The following ZDHHC4 variants were observed in gnomAD, a reference collection of about 807,000 sequenced individuals.
ZDHHC4 encodes the protein palmitoyltransferase ZDHHC4.
ZDHHC4 carries 42 observed loss-of-function variants against 36.7 expected under a neutral mutation model. The ratio of observed to expected loss-of-function variants is 1.14; its 90% CI spans 0.89 to 1.48. The LOEUF (loss-of-function observed/expected upper bound fraction) is 1.48, where lower values mean the gene tolerates loss of function less well. Ranked by LOEUF, ZDHHC4 falls within the 40% of genes most tolerant of loss-of-function variation. ZDHHC4 has a pLI of 0.00. For synonymous variants in ZDHHC4, 189 were observed against 166.6 expected (o/e 1.13, Z -1.03); for missense variants, 457 against 421.5 (o/e 1.08, Z -0.74).
chr7:6,580,116 CAA>C (rs924502684), intron 2 of ZDHHC4, among the ~76,000 whole-genome samples: 102 of 151,966 alleles, frequency 6.7e-4, no homozygotes, highest in African/African-American at 2.2e-3. Context: ...ACCTGGGTAA[CAA>C]GAGTGAAACT....
At chr7:6,588,292 T>G (rs988212054) in intron 7 of ZDHHC4, among the ~76,000 whole-genome samples, 2 of 152,244 alleles carry the variant, frequency 1.3e-5, no homozygotes, top group Non-Finnish European at 2.9e-5. Flanking sequence ...ATTGATCTCT[T>G]TTGTCCATCT....
chr7:6,579,108 G>A (rs577330931), intron 2 of ZDHHC4, among the ~76,000 whole-genome samples: 1 of 151,646 alleles, frequency 6.6e-6, no homozygotes, highest in East Asian at 1.9e-4. Flanking sequence ...ACAGGCACGA[G>A]CCACTACGGC....
intron 2 of ZDHHC4, among the ~76,000 whole-genome samples, chr7:6,579,164 C>T (rs1221080492): frequency 1.3e-5 from 2 of 151,370 alleles, no homozygotes; most frequent in African/African-American, 2.4e-5. Context: ...TTTCTTAAAC[C>T]GCTACACTAT....
At chr7:6,586,439 G>C (rs1781251534) in intron 7 of ZDHHC4, among the ~76,000 whole-genome samples, 1 of 152,098 alleles carries the variant, frequency 6.6e-6, no homozygotes, top group Non-Finnish European at 1.5e-5. Flanking sequence ...GTGGCACAAG[G>C]TTTTCAGGGT....
chr7:6,580,551 G>C lies in ZDHHC4; in HGVS notation c.-7-4G>C. The stretch of plus-strand genomic sequence containing the variant: ...ATAGTCACACTCTTTCTGTTCCTTT[G>C]TAGCTGCAGGATGGACTTTCTGGTC... On this transcript the variant is annotated splice_region_variant and splice_polypyrimidine_tract_variant and intron_variant, in intron 2 of 7. Transcript: ENST00000335965. The C allele has an allele frequency of 6.2e-7, 1 of 1,612,098 alleles. No individual in the cohort carries two copies. Among genetic ancestry groups the C allele is most frequent in the Non-Finnish European group, 8.5e-7 (1 of 1,178,128 alleles).
intron 3 of ZDHHC4, 38 bp downstream of exon 3, chr7:6,580,716 CTG>C: frequency 6.3e-7 from 1 of 1,584,728 alleles, no homozygotes; most frequent in Non-Finnish European, 8.7e-7. Context: ...AATTTGAATA[CTG>C]TGTTAGTCTA....
intron 2 of ZDHHC4, among the ~76,000 whole-genome samples, chr7:6,579,800 A>T (rs1780709093): frequency 6.6e-6 from 1 of 152,172 alleles, no homozygotes; most frequent in Admixed American, 6.5e-5. Context: ...CAAGTTGGAG[A>T]TGCTTCAAAG....
chr7:6,581,272 G>A (rs1780833755), intron 3 of ZDHHC4: 1 of 330,618 alleles, frequency 3.0e-6, no homozygotes, highest in African/African-American at 2.3e-5. Flanking sequence ...AGTGATCTGG[G>A]TGTGGATGCT....
chr7:6,585,235 T>G lies in ZDHHC4; in HGVS notation c.716T>G (p.Val239Gly). ...ATCGATGACCTTGGACACCTCCATGTTATGGACACGGTCTTTCTTATTCAG... is the reference window on the plus strand; with the variant it reads ...ATCGATGACCTTGGACACCTCCATGGTATGGACACGGTCTTTCTTATTCAG... ...TYIDDLGHLH[V>G]MDTVFLIQYL... The change falls in exon 7 of 8, where the codon GTT becomes GGT. Residue 239 changes from valine to glycine, a missense_variant. Val to Gly is a moderately radical substitution (Grantham distance 109). Coordinates refer to ENST00000335965, the MANE Select transcript of ZDHHC4 (RefSeq NM_001134389.2). 6.2e-7 allele frequency: 1 copy of G among 1,614,186 alleles called. No individual in the cohort carries two copies. Among genetic ancestry groups the G allele is most frequent in the Non-Finnish European group, 8.5e-7 (1 of 1,180,006 alleles).
intron 2 of ZDHHC4, among the ~76,000 whole-genome samples, chr7:6,579,997 A>G (rs1780723281): frequency 6.6e-6 from 1 of 151,918 alleles, no homozygotes; most frequent in African/African-American, 2.4e-5. Flanking sequence ...TTAGCCAGGC[A>G]TGGGGTGCGT....
intron 1 of ZDHHC4, chr7:6,577,805 C>A (rs1277802682): frequency 6.6e-6 from 1 of 152,080 alleles, no homozygotes; most frequent in Admixed American, 6.5e-5. Context: ...CTTATTTCTT[C>A]CCAACTAGCT....
In ZDHHC4 at chr7:6,588,697, G is replaced by A. The variant is rs748512303; in HGVS notation, c.822G>A (p.Leu274=). The change falls in exon 8 of 8, where the codon CTG becomes CTA. Residue 274 remains leucine (L), a synonymous_variant. Coordinates refer to ENST00000335965, the MANE Select transcript of ZDHHC4 (RefSeq NM_001134389.2). Reference sequence around the variant, plus strand: ...TGAGCTTCCTCCTGGGTGGCTACCTGTTGTTTGTCCTGTATCTGGCGGCCA... The same window carrying A: ...TGAGCTTCCTCCTGGGTGGCTACCTATTGTTTGTCCTGTATCTGGCGGCCA... ...VVLSFLLGGY[L]LFVLYLAATN... 1.2e-6 allele frequency: 2 copies of A among 1,614,228 alleles called. No homozygotes were observed. Among genetic ancestry groups the A allele is most frequent in the South Asian group, 1.1e-5 (1 of 91,088 alleles).
At chr7:6,582,332 C>A (rs866561397) in intron 5 of ZDHHC4, 81 bp downstream of exon 5, 25 of 1,256,834 alleles carry the variant, frequency 2.0e-5, no homozygotes, top group African/African-American at 1.0e-4. Context: ...AGAGGCCCCC[C>A]CTGAGGACTT....
intron 7 of ZDHHC4, among the ~76,000 whole-genome samples, chr7:6,587,744 G>C (rs1433565552): frequency 2.6e-5 from 4 of 152,186 alleles, no homozygotes; most frequent in African/African-American, 9.7e-5. Flanking sequence ...TCTTGGCCAG[G>C]CACAGTGGCT....
At chr7:6,583,492 G>C in intron 6 of ZDHHC4, 61 bp downstream of exon 6, 1 of 1,556,260 alleles carries the variant, frequency 6.4e-7, no homozygotes, top group South Asian at 1.2e-5. Flanking sequence ...GGCTTCGTCT[G>C]TGAGGGAATG....
At position 6,579,405 on chromosome 7, in the gene ZDHHC4, T is replaced by A. The variant is rs1360307205; in HGVS notation, c.-8+685T>A. 3.9e-5 allele frequency among the ~76,000 whole-genome samples: 6 copies of A among 152,060 alleles called. No individual in the cohort carries two copies. In the South Asian group the frequency reaches 8.3e-4, roughly 21 times the overall value. ...TAGTATAGATGGGGATTACACCATG[T>A]TGGCCAGACTGGTCTCGAACTCCTG... On this transcript the variant is annotated intron_variant, in intron 2 of 7. Transcript: ENST00000335965.
chr7:6,585,103 T>C lies in ZDHHC4; in HGVS notation c.584T>C (p.Leu195Pro). The stretch of plus-strand genomic sequence containing the variant: ...GGGGCCTGGAACATCAGGTACTTCC[T>C]CATCTACGTCTTGACCTTGACGGCC... ...CIGAWNIRYFLIYVLTLTASA... is the reference protein window; with the variant it reads ...CIGAWNIRYFPIYVLTLTASA... The change falls in exon 7 of 8, where the codon CTC becomes CCC. Residue 195 changes from leucine (L) to proline (P), a missense_variant. Leu to Pro is a moderately conservative substitution (Grantham distance 98, BLOSUM62 -3). Transcript: ENST00000335965. The C allele has an allele frequency of 1.9e-6, 3 of 1,614,146 alleles. No individual in the cohort carries two copies. The highest frequency in any genetic ancestry group is 2.5e-6 in the Non-Finnish European group (3 of 1,180,034).
In ZDHHC4 at chr7:6,585,088, A is replaced by G. The variant is rs533608775; in HGVS notation, c.569A>G (p.Asn190Ser). The part of the protein sequence containing the change: ...VWVNNCIGAW[N>S]IRYFLIYVLT... ...GTGAACAACTGCATCGGGGCCTGGA[A>G]CATCAGGTACTTCCTCATCTACGTC... is the stretch of plus-strand genomic sequence containing the variant. Residue 190 changes from asparagine (N) to serine (S), a missense_variant, in exon 7 of 8, where the codon AAC (asparagine) becomes AGC (serine). By Grantham distance (46) the Asn-to-Ser change is conservative. Coordinates refer to ENST00000335965, the MANE Select transcript of ZDHHC4 (RefSeq NM_001134389.2). The G allele has an allele frequency of 6.2e-7, 1 of 1,614,134 alleles. No homozygotes were observed. The highest frequency in any genetic ancestry group is 8.5e-7 in the Non-Finnish European group (1 of 1,180,030).
rs1332569827 is a variant in ZDHHC4 at position 6,581,597 on chromosome 7, T to C, written c.118-10T>C. 6.2e-7 allele frequency: 1 copy of C among 1,604,320 alleles called. No homozygotes were observed. On this transcript the variant is annotated splice_polypyrimidine_tract_variant and intron_variant, in intron 3 of 7. Coordinates refer to ENST00000335965, the MANE Select transcript of ZDHHC4 (RefSeq NM_001134389.2). ...ATGAAATTGAGTCTTTCTCTTTCCTTTTGTTTCAGATATTTTCCTGTATAA... is the reference window on the plus strand; with the variant it reads ...ATGAAATTGAGTCTTTCTCTTTCCTCTTGTTTCAGATATTTTCCTGTATAA...
Sources: gnomAD v4.1 joint callset for allele counts (sites outside exome capture counted in the v4.1 genomes callset) on GRCh38, gnomAD v4.1.1 for gene constraint, MANE v1.5 for transcripts, NCBI Gene and HGNC (gene_info 2026-07-23, HGNC 2026-07-21) for gene names.